The following GPR149 variants were observed in gnomAD, a reference collection of about 807,000 sequenced individuals.
The protein encoded by GPR149 is probable G protein-coupled receptor 149.
GPR149 carries 50 observed loss-of-function variants against 50.2 expected under a neutral mutation model. That is an observed-to-expected ratio of 1.00 (90% CI 0.79 to 1.26). The LOEUF is 1.26. GPR149 is among the 50% of genes most tolerant of loss of function. The pLI is 0.00. For synonymous variants in GPR149, 405 were observed against 358.2 expected (o/e 1.13, Z -1.48); for missense variants, 983 against 895.4 (o/e 1.10, Z -1.25).
At chr3:154,358,770 GA>G (rs1714311050) in intron 3 of GPR149, among the ~76,000 whole-genome samples, 3 of 152,048 alleles carry the variant, frequency 2.0e-5, no homozygotes, top group Admixed American at 2.0e-4. Flanking sequence ...CTTTCAATAG[GA>G]AACACTTATT....
chr3:154,406,076 TGAA>T (rs1711677743), intron 3 of GPR149, among the ~76,000 whole-genome samples: 1 of 151,800 alleles, frequency 6.6e-6, no homozygotes. Context: ...AATTAGAAGA[TGAA>T]GAAAAAGAAA....
At chr3:154,374,959 A>C (rs1714757392) in intron 3 of GPR149, among the ~76,000 whole-genome samples, 1 of 152,212 alleles carries the variant, frequency 6.6e-6, no homozygotes, top group Admixed American at 6.5e-5. Flanking sequence ...AGTTTGAGCA[A>C]AGATAAGTAT....
chr3:154,400,569 T>G (rs192160067), intron 3 of GPR149, among the ~76,000 whole-genome samples: 64 of 152,244 alleles, frequency 4.2e-4, no homozygotes, highest in Non-Finnish European at 7.5e-4. Flanking sequence ...TCCACAATAT[T>G]GTCATTCTGA....
intron 3 of GPR149, among the ~76,000 whole-genome samples, chr3:154,346,506 G>A (rs1280725067): frequency 6.6e-6 from 1 of 152,116 alleles, no homozygotes; most frequent in Non-Finnish European, 1.5e-5. Flanking sequence ...TCAAGGGTCT[G>A]TAAGAGGCAT....
chr3:154,396,405 A>G (rs1358124885), intron 3 of GPR149, among the ~76,000 whole-genome samples: 1 of 152,112 alleles, frequency 6.6e-6, no homozygotes, highest in Non-Finnish European at 1.5e-5. Context: ...ACTTGTAGCA[A>G]TGGGAGGCTT....
chr3:154,364,429 G>A (rs1185984609), intron 3 of GPR149, among the ~76,000 whole-genome samples: 1 of 152,092 alleles, frequency 6.6e-6, no homozygotes. Flanking sequence ...TAAAGTCTAA[G>A]TCCAAAGTCT....
intron 3 of GPR149, among the ~76,000 whole-genome samples, chr3:154,361,652 C>G (rs1402353218): frequency 1.3e-5 from 2 of 152,008 alleles, no homozygotes; most frequent in Non-Finnish European, 2.9e-5. Flanking sequence ...TTTCTTTTCT[C>G]TATCAAAACT....
chr3:154,377,551 G>A (rs535950682), intron 3 of GPR149, among the ~76,000 whole-genome samples: 1 of 151,934 alleles, frequency 6.6e-6, no homozygotes, highest in Non-Finnish European at 1.5e-5. Flanking sequence ...ATTTGTAGTG[G>A]AGACGGTGTT....
intron 3 of GPR149, among the ~76,000 whole-genome samples, chr3:154,342,885 A>C (rs573774083): frequency 6.6e-6 from 1 of 152,324 alleles, no homozygotes; most frequent in Non-Finnish European, 1.5e-5. Flanking sequence ...CTTACCATTG[A>C]TCCTATGTCT....
chr3:154,390,776 T>A (rs145068364), intron 3 of GPR149, among the ~76,000 whole-genome samples: 1 of 152,002 alleles, frequency 6.6e-6, no homozygotes, highest in Non-Finnish European at 1.5e-5. Context: ...ATAATTGAAC[T>A]GACAAAATTT....
rs559942850 is a variant in GPR149, at chr3:154,429,495, A to G, written c.121T>C (p.Cys41Arg). The change falls in exon 1 of 4, where the codon TGT (cysteine) becomes CGT (arginine). Residue 41 changes from cysteine (C) to arginine (R), a missense_variant. Physicochemically the swap from Cys to Arg is radical, Grantham distance 180 (BLOSUM62 -3). Coordinates refer to ENST00000389740, the MANE Select transcript of GPR149 (RefSeq NM_001038705.3). ...ACCAAGGCTGCAAAAGTCATGAGACATGTCAAGCAAAAAAGATAGATATTC... is the reference window on the plus strand; with the variant it reads ...ACCAAGGCTGCAAAAGTCATGAGACGTGTCAAGCAAAAAAGATAGATATTC... ...TLNIYLFCLT[C>R]LMTFAALVGS... 123 of 1,614,204 alleles carry G rather than the reference A, an allele frequency of 7.6e-5. 1 individual carries two copies. In the South Asian group the frequency reaches 1.3e-3, roughly 16 times the overall value.
intron 3 of GPR149, among the ~76,000 whole-genome samples, chr3:154,369,958 G>A (rs527863182): frequency 6.6e-6 from 1 of 152,180 alleles, no homozygotes; most frequent in African/African-American, 2.4e-5. Context: ...AGCCCCCACT[G>A]TAGACCCTTA....
intron 3 of GPR149, chr3:154,352,149 C>T (rs915243808): frequency 1.7e-5 from 13 of 755,152 alleles, no homozygotes; most frequent in Non-Finnish European, 2.5e-5. Context: ...GTCAAAACTC[C>T]ATTTGTGGCC....
intron 3 of GPR149, chr3:154,353,853 AGAGATATGTT>A: frequency 1.6e-6 from 1 of 617,712 alleles, no homozygotes; most frequent in Non-Finnish European, 3.0e-6. Context: ...TGAATAGGAA[AGAGATATGTT>A]ACCCTTTGAT....
chr3:154,365,026 G>T (rs796869), intron 3 of GPR149, among the ~76,000 whole-genome samples: 67,717 of 152,074 alleles, frequency 0.45, 15,281 homozygotes, highest in Non-Finnish European at 0.48. Context: ...CTCTACTGGA[G>T]ACTCTCTGCA....
intron 3 of GPR149, among the ~76,000 whole-genome samples, chr3:154,396,359 G>A (rs1282529303): frequency 6.6e-6 from 1 of 152,024 alleles, no homozygotes; most frequent in Non-Finnish European, 1.5e-5. Flanking sequence ...AAATATATCT[G>A]TTTAAAATAC....
intron 2 of GPR149, among the ~76,000 whole-genome samples, chr3:154,426,874 G>C (rs1229965737): frequency 1.4e-3 from 5 of 3,648 alleles, no homozygotes; most frequent in African/African-American, 4.1e-3. Context: ...ACCAGGGCGT[G>C]TGTGTGTGTG....
At chr3:154,415,409 T>C (rs1711958681) in intron 3 of GPR149, among the ~76,000 whole-genome samples, 1 of 151,950 alleles carries the variant, frequency 6.6e-6, no homozygotes, top group Non-Finnish European at 1.5e-5. Flanking sequence ...TAGTTTAGAA[T>C]AAAATTCCCT....
At chr3:154,407,582 C>T (rs1463669168) in intron 3 of GPR149, among the ~76,000 whole-genome samples, 5 of 151,472 alleles carry the variant, frequency 3.3e-5, no homozygotes, top group Non-Finnish European at 5.9e-5. Flanking sequence ...TTGGAGGTAT[C>T]AGTATAAACT....
Sources: gnomAD v4.1 joint callset for allele counts (sites outside exome capture counted in the v4.1 genomes callset) on GRCh38, gnomAD v4.1.1 for gene constraint, MANE v1.5 for transcripts, NCBI Gene and HGNC (gene_info 2026-07-23, HGNC 2026-07-21) for gene names.